NEBL: variants seen among roughly 807,000 people sequenced by gnomAD.
NEBL encodes the protein nebulette, also known as LIM and SH3 protein 2.
Under a neutral mutation model 140.2 loss-of-function variants are expected in NEBL, and 122 were observed. The observed-to-expected ratio is 0.87, with a 90% CI of 0.75 to 1.01. The LOEUF is 1.01. NEBL is among the 50% of genes least tolerant of loss of function. NEBL has a pLI of 0.00. For synonymous variants in NEBL, 436 were observed against 398.9 expected (o/e 1.09, Z -1.11); for missense variants, 1,365 against 1,231.3 (o/e 1.11, Z -1.62).
intron 3 of NEBL, among the ~76,000 whole-genome samples, chr10:21,222,885 C>A (rs185365060): frequency 6.6e-6 from 1 of 152,286 alleles, no homozygotes; most frequent in East Asian, 1.9e-4. Flanking sequence ...GCCTCAACCT[C>A]CCAAGTAGCT....
At chr10:20,981,676 C>T (rs1002306432) in intron 3 of NEBL, among the ~76,000 whole-genome samples, 11 of 152,158 alleles carry the variant, frequency 7.2e-5, no homozygotes, top group African/African-American at 2.2e-4. Flanking sequence ...CCAGTCAGGG[C>T]CAGAGAGACC....
At chr10:20,823,180 T>G (rs756614112) in intron 19 of NEBL, 28 bp downstream of exon 19, 3 of 1,539,904 alleles carry the variant, frequency 1.9e-6, no homozygotes, top group Non-Finnish European at 2.7e-6. Flanking sequence ...AATAAAATTT[T>G]TAAAAAATAC....
chr10:21,280,619 C>CTTTTT (rs554320752), intron 1 of NEBL, among the ~76,000 whole-genome samples: 22 of 98,112 alleles, frequency 2.2e-4, no homozygotes, highest in African/African-American at 6.8e-4. Flanking sequence ...TTTCTTTTTC[C>CTTTTT]TTTTTTTTTT....
chr10:20,863,003 A>G (rs1403462104), intron 7 of NEBL, among the ~76,000 whole-genome samples: 1 of 152,164 alleles, frequency 6.6e-6, no homozygotes, highest in African/African-American at 2.4e-5. Flanking sequence ...CCTTTTGAAA[A>G]AATACTGTAT....
chr10:21,004,822 G>A (rs974754063), intron 3 of NEBL, among the ~76,000 whole-genome samples: 3 of 152,158 alleles, frequency 2.0e-5, no homozygotes, highest in East Asian at 1.9e-4. Context: ...CACCATATTC[G>A]CTAGGTAACT....
chr10:21,291,336 T>C (rs1295657359), intron 1 of NEBL, among the ~76,000 whole-genome samples: 1 of 151,496 alleles, frequency 6.6e-6, no homozygotes, highest in Non-Finnish European at 1.5e-5. Context: ...TGAAACCCTG[T>C]CTCTACCAAA....
At chr10:21,207,595 G>A (rs1841847708) in intron 3 of NEBL, among the ~76,000 whole-genome samples, 1 of 151,934 alleles carries the variant, frequency 6.6e-6, no homozygotes, top group Non-Finnish European at 1.5e-5. Flanking sequence ...TACATCATGG[G>A]CTCTCATGAC....
intron 16 of NEBL, 183 bp downstream of exon 16, chr10:20,831,013 T>A: frequency 1.9e-6 from 1 of 521,896 alleles, no homozygotes; most frequent in Non-Finnish European, 3.6e-6. Flanking sequence ...TTGCATTGAA[T>A]CTATGACTGT....
chr10:21,009,676 C>T (rs569276545), intron 3 of NEBL, among the ~76,000 whole-genome samples: 26 of 152,238 alleles, frequency 1.7e-4, no homozygotes, highest in South Asian at 6.2e-4. Flanking sequence ...TTGTCCCAAA[C>T]GGAAGCTTTT....
chr10:20,988,685 ACTC>A (rs1266023972), intron 3 of NEBL, among the ~76,000 whole-genome samples: 1 of 151,636 alleles, frequency 6.6e-6, no homozygotes, highest in East Asian at 1.9e-4. Context: ...TATAGCAAAA[ACTC>A]CTCAAATAGT....
intron 3 of NEBL, among the ~76,000 whole-genome samples, chr10:21,017,860 G>A (rs1472483811): frequency 6.9e-6 from 1 of 144,776 alleles, no homozygotes; most frequent in African/African-American, 2.6e-5. Flanking sequence ...GTCTTGCTCT[G>A]TTGCCCAGGC....
chr10:20,937,589 G>T (rs1834563455), intron 4 of NEBL, among the ~76,000 whole-genome samples: 1 of 152,070 alleles, frequency 6.6e-6, no homozygotes, highest in Admixed American at 6.5e-5. Context: ...TCAGAAAGTG[G>T]GTGCAGGACA....
chr10:21,069,382 A>C (rs1012341766), intron 2 of NEBL, among the ~76,000 whole-genome samples: 63 of 152,274 alleles, frequency 4.1e-4, no homozygotes, highest in African/African-American at 1.4e-3. Context: ...TGTCACATAA[A>C]CCACAGCCAG....
At chr10:21,286,606 G>T (rs375542286) in intron 1 of NEBL, among the ~76,000 whole-genome samples, 47 of 152,330 alleles carry the variant, frequency 3.1e-4, no homozygotes, top group African/African-American at 1.0e-3. Context: ...GCCAAGGCGG[G>T]TGGATCACAA....
chr10:21,167,163 A>C (rs45617835), intron 2 of NEBL, among the ~76,000 whole-genome samples: 17 of 152,296 alleles, frequency 1.1e-4, no homozygotes, highest in Admixed American at 4.6e-4. Context: ...ATAAATATTC[A>C]CGAGAGGGAA....
intron 12 of NEBL, among the ~76,000 whole-genome samples, chr10:20,844,995 A>G (rs963720962): frequency 2.0e-5 from 3 of 152,282 alleles, no homozygotes; most frequent in Admixed American, 6.5e-5. Context: ...CTGAGCTACA[A>G]CTAAAACAAA....
intron 3 of NEBL, among the ~76,000 whole-genome samples, chr10:21,234,884 C>T (rs1003964907): frequency 3.9e-5 from 6 of 152,138 alleles, no homozygotes; most frequent in Admixed American, 6.5e-5. Flanking sequence ...TGGTTTCCTC[C>T]GGTACAGGCC....
At chr10:20,847,692 G>A (rs1029551388) in intron 11 of NEBL, among the ~76,000 whole-genome samples, 1 of 152,144 alleles carries the variant, frequency 6.6e-6, no homozygotes, top group Non-Finnish European at 1.5e-5. Flanking sequence ...GATGCTGCCA[G>A]AAATGTTCTC....
Position 21,156,631 on chromosome 10 carries a change from T to TA in NEBL, c.164+15751dup, listed in dbSNP as rs1476929235. On this transcript the variant is annotated intron_variant, in intron 2 of 6. Coordinates refer to the NEBL transcript ENST00000417816. ...TTTTTAGGAGCCCATTACTTATATATAAAAAATGGCAATTACAAAAGTCTA... is the reference window on the plus strand; with the variant it reads ...TTTTTAGGAGCCCATTACTTATATATAAAAAAATGGCAATTACAAAAGTCTA... Among the ~76,000 whole-genome samples, 6 of 151,772 alleles carry TA rather than the reference T, an allele frequency of 4.0e-5. No homozygotes were observed. The East Asian group carries it at 1.2e-3, about 29-fold the overall frequency.
Sources: gnomAD v4.1 joint callset for allele counts (sites outside exome capture counted in the v4.1 genomes callset) on GRCh38, gnomAD v4.1.1 for gene constraint, MANE v1.5 for transcripts, NCBI Gene and HGNC (gene_info 2026-07-23, HGNC 2026-07-21) for gene names.